The following RGS6 variants were observed in gnomAD, a reference collection of about 807,000 sequenced individuals.
RGS6 encodes the protein regulator of G protein signaling 6.
Under a neutral mutation model 78.5 loss-of-function variants are expected in RGS6, and 30 were observed. That is an observed-to-expected ratio of 0.38 (90% confidence interval 0.29 to 0.52). The LOEUF is 0.52. Among genes scored for constraint, RGS6 ranks in the 20% least tolerant of loss-of-function variants. The probability of loss-of-function intolerance (pLI) is 0.85; values close to 1 mark genes in which losing one functional copy is unlikely to be tolerated. For missense variants in RGS6, 495 were observed against 609.7 expected (o/e 0.81, Z 1.98); for synonymous variants, 206 against 206.0 (o/e 1.00, Z 0.00).
chr14:72,199,155 G>A (rs971945216), intron 2 of RGS6, among the ~76,000 whole-genome samples: 7 of 152,212 alleles, frequency 4.6e-5, no homozygotes, highest in Admixed American at 1.3e-4. Context: ...TATACACAAA[G>A]TGAAGGCCCA....
chr14:72,099,957 G>A (rs1277462432), intron 2 of RGS6, among the ~76,000 whole-genome samples: 1 of 152,150 alleles, frequency 6.6e-6, no homozygotes, highest in African/African-American at 2.4e-5. Context: ...ACATGGGAAT[G>A]TCGTAATCAG....
At chr14:72,368,161 A>T (rs913822859) in intron 3 of RGS6, among the ~76,000 whole-genome samples, 1 of 152,160 alleles carries the variant, frequency 6.6e-6, no homozygotes, top group Non-Finnish European at 1.5e-5. Context: ...GCATCTAATG[A>T]GGGATATCCC....
chr14:71,971,170 C>T (rs2093781166), intron 2 of RGS6, among the ~76,000 whole-genome samples: 1 of 152,184 alleles, frequency 6.6e-6, no homozygotes. Context: ...CCCTTTGGGC[C>T]TCCACACCCA....
chr14:72,467,549 A>G (rs1196309694), intron 7 of RGS6, among the ~76,000 whole-genome samples: 1 of 152,114 alleles, frequency 6.6e-6, no homozygotes, highest in Non-Finnish European at 1.5e-5. Flanking sequence ...CCAAGTGTGA[A>G]TGCGCATGCC....
intron 2 of RGS6, among the ~76,000 whole-genome samples, chr14:72,349,567 A>G (rs1432433339): frequency 1.3e-5 from 2 of 152,230 alleles, no homozygotes; most frequent in African/African-American, 2.4e-5. Context: ...GTGATGTTGC[A>G]GACTGTTGCT....
chr14:72,164,284 C>T (rs1305264778), intron 2 of RGS6, among the ~76,000 whole-genome samples: 1 of 152,206 alleles, frequency 6.6e-6, no homozygotes, highest in Non-Finnish European at 1.5e-5. Flanking sequence ...CTGTACTGCT[C>T]TACAGTGGTA....
At chr14:72,240,179 G>A (rs2052392836) in intron 2 of RGS6, among the ~76,000 whole-genome samples, 1 of 152,192 alleles carries the variant, frequency 6.6e-6, no homozygotes, top group Admixed American at 6.5e-5. Context: ...TGAGTTTTCA[G>A]TTTGAGGGAA....
At chr14:72,409,701 T>A (rs2153045468) in intron 3 of RGS6, among the ~76,000 whole-genome samples, 1 of 152,254 alleles carries the variant, frequency 6.6e-6, no homozygotes, top group East Asian at 1.9e-4. Context: ...CTCTCAGTGC[T>A]ATCCCTCCCC....
intron 3 of RGS6, among the ~76,000 whole-genome samples, chr14:72,414,954 C>A (rs1485741584): frequency 1.3e-5 from 2 of 152,192 alleles, no homozygotes; most frequent in Non-Finnish European, 2.9e-5. Flanking sequence ...AGGTGTCAGT[C>A]TGCCCCTACT....
chr14:72,023,063 T>C (rs1429870624), intron 2 of RGS6, among the ~76,000 whole-genome samples: 3 of 152,244 alleles, frequency 2.0e-5, no homozygotes, highest in Non-Finnish European at 4.4e-5. Context: ...GCCTGTTTCA[T>C]GTCATTCCTA....
chr14:71,981,445 G>A (rs12891657), intron 2 of RGS6, among the ~76,000 whole-genome samples: 22,806 of 150,914 alleles, frequency 0.15, 2,129 homozygotes, highest in Non-Finnish European at 0.2. Context: ...TTTGGTGTGG[G>A]TGTCCTTTCT....
chr14:72,587,809 C>A, the RGS6 span, among the ~76,000 whole-genome samples: 583 of 152,330 alleles, frequency 3.8e-3, 4 homozygotes, highest in African/African-American at 0.011. Flanking sequence ...CCTTGGGGCA[C>A]AACCCGCCCT....
intron 2 of RGS6, among the ~76,000 whole-genome samples, chr14:72,193,053 C>T (rs554949148): frequency 5.3e-5 from 8 of 149,928 alleles, no homozygotes; most frequent in Non-Finnish European, 1.2e-4. Context: ...AGTGCAGTGG[C>T]ACAATCTCAG....
At chr14:72,292,358 G>A (rs937109417) in intron 2 of RGS6, among the ~76,000 whole-genome samples, 6 of 152,106 alleles carry the variant, frequency 3.9e-5, no homozygotes, top group African/African-American at 1.4e-4. Flanking sequence ...AGTGACAGTC[G>A]CTTCTCTCAC....
chr14:72,291,952 G>A (rs1463782034), intron 2 of RGS6, among the ~76,000 whole-genome samples: 1 of 152,102 alleles, frequency 6.6e-6, no homozygotes, highest in African/African-American at 2.4e-5. Flanking sequence ...GAAATAGTGG[G>A]ACACAAACGT....
the RGS6 span, chr14:72,629,845 G>T: frequency 1.1e-6 from 1 of 908,284 alleles, no homozygotes; most frequent in Non-Finnish European, 1.7e-6. Context: ...GGGCAGGGTA[G>T]CATGACGTAG....
chr14:72,423,036 A>G (rs994653768), intron 3 of RGS6, among the ~76,000 whole-genome samples: 2 of 152,204 alleles, frequency 1.3e-5, no homozygotes, highest in Non-Finnish European at 2.9e-5. Flanking sequence ...GAAAAAGACT[A>G]TCAAGAGTAG....
intron 3 of RGS6, chr14:72,421,669 C>G (rs543041481): frequency 3.3e-5 from 5 of 152,222 alleles, no homozygotes; most frequent in Non-Finnish European, 7.3e-5. Flanking sequence ...CCCCACGGCT[C>G]GGCTCTAGTC....
chr14:72,058,786 C>T (rs1596814371), intron 2 of RGS6, among the ~76,000 whole-genome samples: 2 of 152,104 alleles, frequency 1.3e-5, no homozygotes, highest in East Asian at 1.9e-4. Context: ...GTTTCTTTAC[C>T]CATATTATGG....
Sources: gnomAD v4.1 joint callset for allele counts (sites outside exome capture counted in the v4.1 genomes callset) on GRCh38, gnomAD v4.1.1 for gene constraint, MANE v1.5 for transcripts, NCBI Gene and HGNC (gene_info 2026-07-23, HGNC 2026-07-21) for gene names.